ESRRG: variants seen among roughly 807,000 people sequenced by gnomAD.
ESRRG encodes estrogen related receptor gamma, also known as estrogen-related receptor gamma.
ESRRG carries 13 observed loss-of-function variants against 44.0 expected under a neutral mutation model. That is an observed-to-expected ratio of 0.30 (90% CI 0.19 to 0.47). ESRRG has a LOEUF of 0.47. ESRRG is among the 20% of genes least tolerant of loss of function. The probability of loss-of-function intolerance (pLI) is 1.00; values close to 1 mark genes in which losing one functional copy is unlikely to be tolerated. For synonymous variants in ESRRG, 215 were observed against 214.6 expected, an observed-to-expected ratio of 1.00 and a Z score of -0.02; for missense variants, 395 against 580.6, an observed-to-expected ratio of 0.68 and a Z score of 3.29.
At chr1:217,089,325 C>T (rs2092283191) in intron 1 of ESRRG, among the ~76,000 whole-genome samples, 1 of 149,776 alleles carries the variant, frequency 6.7e-6, no homozygotes, top group African/African-American at 2.5e-5. Flanking sequence ...AAGAGGTGGG[C>T]AGTACTTATG....
At chr1:217,087,435 G>T (rs1467453190) in intron 1 of ESRRG, among the ~76,000 whole-genome samples, 1 of 152,118 alleles carries the variant, frequency 6.6e-6, no homozygotes, top group African/African-American at 2.4e-5. Flanking sequence ...GTACTCTCTT[G>T]GTAACCTTTT....
intron 2 of ESRRG, among the ~76,000 whole-genome samples, chr1:216,918,784 C>G (rs2061487060): frequency 6.7e-6 from 1 of 148,778 alleles, no homozygotes; most frequent in Non-Finnish European, 1.5e-5. Context: ...GTTTAAAAAT[C>G]CCTATATTTG....
rs555384927 is a variant in ESRRG, at chr1:216,603,417, G to A, written c.590-35319C>T. ...TTTACCTATCTGCCTTATCTGGTTT[G>A]ACTTAGCTAGATGTGGAAAGATTTG... On this transcript the variant is annotated intron_variant, in intron 3 of 6. Transcript: ENST00000408911. Among the ~76,000 whole-genome samples, 11 of 152,246 alleles carry A rather than the reference G, an allele frequency of 7.2e-5. 1 individual carries two copies. The South Asian group carries it at 2.1e-3, about 29-fold the overall frequency.
chr1:216,690,066 A>G (rs1297926585), intron 1 of ESRRG, among the ~76,000 whole-genome samples: 1 of 152,134 alleles, frequency 6.6e-6, no homozygotes, highest in Non-Finnish European at 1.5e-5. Context: ...TAATAAAGTT[A>G]AATGGACACC....
chr1:216,736,341 G>C (rs984749069), intron 2 of ESRRG, among the ~76,000 whole-genome samples: 3 of 151,618 alleles, frequency 2.0e-5, no homozygotes, highest in Non-Finnish European at 4.4e-5. Flanking sequence ...CCGCCACCAC[G>C]CCCGGCTAAT....
rs192125410 is a variant in ESRRG at position 216,721,135 on chromosome 1, G to A, written c.56+2109C>T. Among the ~76,000 whole-genome samples, 78 of 152,266 alleles carry A rather than the reference G, an allele frequency of 5.1e-4. 1 individual carries two copies. Among genetic ancestry groups the A allele is most frequent in the African/African-American group, 1.7e-3 (71 of 41,538 alleles). ...GCTTTCAAGTATTATGTTCTTTAAT[G>A]TGCTGGCACATTTCCTAAAATAAAA... is the stretch of plus-strand genomic sequence containing the variant. On this transcript the variant is annotated intron_variant, in intron 1 of 6. Coordinates refer to ENST00000408911, the MANE Select transcript of ESRRG (RefSeq NM_001438.4).
intron 1 of ESRRG, among the ~76,000 whole-genome samples, chr1:216,697,587 T>TA (rs1342215422): frequency 6.6e-6 from 1 of 152,204 alleles, no homozygotes; most frequent in Non-Finnish European, 1.5e-5. Flanking sequence ...GGCATGGTGC[T>TA]AGCTGTGATA....
chr1:216,841,105 G>A (rs996537067), intron 2 of ESRRG, among the ~76,000 whole-genome samples: 65 of 152,106 alleles, frequency 4.3e-4, no homozygotes, highest in African/African-American at 1.5e-3. Flanking sequence ...AATGAACAAG[G>A]TATACCTGTA....
chr1:217,025,154 A>G (rs1480637308), intron 1 of ESRRG, among the ~76,000 whole-genome samples: 1 of 152,200 alleles, frequency 6.6e-6, no homozygotes, highest in Non-Finnish European at 1.5e-5. Flanking sequence ...CAGCATCATC[A>G]GGTTAAAAAA....
intron 3 of ESRRG, among the ~76,000 whole-genome samples, chr1:216,645,871 CAAAA>C (rs776262531): frequency 1.1e-5 from 1 of 91,192 alleles, no homozygotes; most frequent in East Asian, 3.3e-4. Flanking sequence ...GACCCCTTCT[CAAAA>C]AAAAAAAAAA....
At chr1:217,117,315 G>A (rs2092743628) in intron 1 of ESRRG, among the ~76,000 whole-genome samples, 1 of 152,178 alleles carries the variant, frequency 6.6e-6, no homozygotes, top group African/African-American at 2.4e-5. Flanking sequence ...GGCCAGCCAT[G>A]GTGGTTCATA....
intron 1 of ESRRG, among the ~76,000 whole-genome samples, chr1:216,972,278 T>A (rs917048083): frequency 1.3e-5 from 2 of 152,194 alleles, no homozygotes; most frequent in African/African-American, 2.4e-5. Flanking sequence ...GTCAGAGTTA[T>A]AGTTGTTGGC....
chr1:216,899,986 C>T (rs2058873279), intron 2 of ESRRG, among the ~76,000 whole-genome samples: 1 of 152,214 alleles, frequency 6.6e-6, no homozygotes, highest in East Asian at 1.9e-4. Flanking sequence ...GAATCACTCA[C>T]TGTATATCAC....
chr1:216,738,321 C>T (rs577210165), intron 2 of ESRRG, among the ~76,000 whole-genome samples: 2 of 152,208 alleles, frequency 1.3e-5, no homozygotes, highest in Admixed American at 6.5e-5. Flanking sequence ...ACCAAATTTC[C>T]AGGGATCCAT....
At chr1:217,002,937 G>T (rs1400593941) in intron 1 of ESRRG, among the ~76,000 whole-genome samples, 1 of 152,054 alleles carries the variant, frequency 6.6e-6, no homozygotes, top group Non-Finnish European at 1.5e-5. Context: ...CCAATCAACA[G>T]AAATCATGAT....
chr1:216,984,107 A>G (rs1391380214), intron 1 of ESRRG, among the ~76,000 whole-genome samples: 1 of 152,138 alleles, frequency 6.6e-6, no homozygotes, highest in Admixed American at 6.5e-5. Flanking sequence ...GACTACATTT[A>G]GAACTTCCCA....
chr1:217,070,509 T>A (rs2090417271), intron 1 of ESRRG, among the ~76,000 whole-genome samples: 1 of 152,090 alleles, frequency 6.6e-6, no homozygotes, highest in Admixed American at 6.5e-5. Flanking sequence ...AGCCTCCCAG[T>A]AGCTGGGATT....
chr1:216,820,016 C>T (rs1017192276), intron 2 of ESRRG, among the ~76,000 whole-genome samples: 3 of 152,152 alleles, frequency 2.0e-5, no homozygotes, highest in Admixed American at 2.0e-4. Flanking sequence ...AAGAAGCGTT[C>T]ATCATTCCAT....
intron 2 of ESRRG, among the ~76,000 whole-genome samples, chr1:216,880,304 C>CAAAAAAAAAAAAAAAAAAAAAAAAAAAA (rs11301281): frequency 1.0e-4 from 3 of 29,022 alleles, no homozygotes; most frequent in Non-Finnish European, 1.7e-4. Context: ...GCCTCCCTCT[C>CAAAAAAAAAAAAAAAAAAAAAAAAAAAA]AAAAAAAAAA....
Sources: allele counts gnomAD v4.1 joint callset (sites outside exome capture counted in the v4.1 genomes callset), GRCh38; gene constraint gnomAD v4.1.1; transcripts MANE v1.5; gene names NCBI Gene and HGNC (gene_info 2026-07-23, HGNC 2026-07-21).